Variants in HSPA4 observed in about 807,000 individuals in gnomAD.
The protein encoded by HSPA4 is heat shock protein family A (Hsp70) member 4.
In HSPA4, 25 loss-of-function variants were observed where a neutral mutation model predicts 106.2. The ratio of observed to expected loss-of-function variants is 0.24; its 90% CI spans 0.17 to 0.33. HSPA4 has a LOEUF of 0.33. Among genes scored for constraint, HSPA4 ranks in the 10% least tolerant of loss-of-function variants. The pLI is 1.00. For synonymous variants in HSPA4, 332 were observed against 333.6 expected (o/e 1.00, Z 0.05); for missense variants, 841 against 996.0 (o/e 0.84, Z 2.10).
chr5:133,057,265 T>C (rs927443659), intron 1 of HSPA4, among the ~76,000 whole-genome samples: 1 of 152,224 alleles, frequency 6.6e-6, no homozygotes. Flanking sequence ...AGTCTAATTA[T>C]TGCGGTTTCT....
At chr5:133,068,158 C>T (rs1244922974) in intron 3 of HSPA4, among the ~76,000 whole-genome samples, 2 of 152,124 alleles carry the variant, frequency 1.3e-5, no homozygotes, top group East Asian at 3.8e-4. Context: ...TCCCAAAGTG[C>T]TGGGATTACA....
At chr5:133,070,225 A>T (rs1765363955) in intron 3 of HSPA4, 149 bp from the exon 4 acceptor site, 1 of 709,526 alleles carries the variant, frequency 1.4e-6, no homozygotes, top group Non-Finnish European at 2.3e-6. Context: ...TCAAGGTATT[A>T]CTTCGAAAAC....
At chr5:133,057,286 C>CATT (rs1196638013) in intron 1 of HSPA4, among the ~76,000 whole-genome samples, 1 of 151,166 alleles carries the variant, frequency 6.6e-6, no homozygotes, top group Non-Finnish European at 1.5e-5. Context: ...CTGAAAAGCT[C>CATT]ATTTTCTCCT....
At position 133,052,199 on chromosome 5, in the gene HSPA4, G is replaced by A; in HGVS notation, c.-52G>A. ...CTCGCTAGCCCCGCCGGGGGTCCGT[G>A]TCCTGTCTCGGTGGCCGGACCCGGG... On this transcript the variant is annotated 5_prime_UTR_variant, in exon 1 of 19. Coordinates refer to ENST00000304858, the MANE Select transcript of HSPA4 (RefSeq NM_002154.4). 1.6e-6 allele frequency: 2 copies of A among 1,287,282 alleles called. No individual in the cohort carries two copies. The highest frequency in any genetic ancestry group is 2.2e-6 in the Non-Finnish European group (2 of 918,822). The allele number at this position is 1,287,282 out of a possible 1,614,324, so 79.7% of individuals were successfully genotyped here.
Position 133,070,761 on chromosome 5 carries a change from G to A in HSPA4, c.429+265G>A, listed in dbSNP as rs112837106. 2.1e-3 allele frequency among the ~76,000 whole-genome samples: 320 copies of A among 152,194 alleles called. 2 individuals carry two copies. The highest frequency in any genetic ancestry group is 7.3e-3 in the African/African-American group (304 of 41,536). On this transcript the variant is annotated intron_variant, in intron 4 of 18. Transcript: ENST00000304858. ...TACTAAAAATACAAAAATTAGTTGG[G>A]CGTGGTGATGGGCACCTGTAATCCC...
chr5:133,053,909 CT>C (rs1765123759), intron 1 of HSPA4, among the ~76,000 whole-genome samples: 1 of 152,130 alleles, frequency 6.6e-6, no homozygotes, highest in South Asian at 2.1e-4. Context: ...ATCCTCCCGC[CT>C]CGGCCTCCCA....
At chr5:133,077,978 T>C (rs2126704733) in intron 7 of HSPA4, among the ~76,000 whole-genome samples, 2 of 152,304 alleles carry the variant, frequency 1.3e-5, no homozygotes, top group Middle Eastern at 6.8e-3. Context: ...AAGAGCTAAG[T>C]AGATACTTAT....
At chr5:133,053,806 C>T (rs1765121967) in intron 1 of HSPA4, among the ~76,000 whole-genome samples, 1 of 151,548 alleles carries the variant, frequency 6.6e-6, no homozygotes, top group Non-Finnish European at 1.5e-5. Context: ...ATTACAGGCG[C>T]GTGCTACCAT....
chr5:133,070,916 AT>A (rs1196260238), intron 4 of HSPA4, among the ~76,000 whole-genome samples: 1 of 150,014 alleles, frequency 6.7e-6, no homozygotes, highest in Non-Finnish European at 1.5e-5. Flanking sequence ...GAAAAAAAAA[AT>A]TTATGAAACT....
Position 133,089,572 on chromosome 5 carries a change from G to A in HSPA4, c.1255G>A (p.Val419Ile). 1 of 1,613,236 alleles carries A rather than the reference G, an allele frequency of 6.2e-7. No individual in the cohort carries two copies. Residue 419 changes from valine (V) to isoleucine (I), a missense_variant, in exon 11 of 19, where the codon GTC (valine) becomes ATC (isoleucine). Physicochemically the swap from Val to Ile is conservative, Grantham distance 29. Transcript: ENST00000304858. ...PAEEGSSDCE[V>I]FSKNHAAPFS... ...TTTTCCTCCATTCAGTGACTGTGAA[G>A]TCTTTTCCAAAAATCATGCTGCTCC...
At chr5:133,052,725 T>C in intron 1 of HSPA4, 1 of 203,136 alleles carries the variant, frequency 4.9e-6, no homozygotes, top group South Asian at 1.4e-4. Flanking sequence ...ACTGAGTCTT[T>C]TGAGTCCAAC....
At chr5:133,053,940 G>A (rs1165755286) in intron 1 of HSPA4, among the ~76,000 whole-genome samples, 1 of 151,346 alleles carries the variant, frequency 6.6e-6, no homozygotes, top group Non-Finnish European at 1.5e-5. Context: ...GATTACAGGC[G>A]TGAGTCACGG....
intron 1 of HSPA4, among the ~76,000 whole-genome samples, chr5:133,058,151 G>T (rs1765191025): frequency 6.6e-6 from 1 of 152,098 alleles, no homozygotes. Flanking sequence ...CAGCACTTTG[G>T]GAGGCCGAGG....
chr5:133,069,498 G>T (rs768421205), intron 3 of HSPA4, among the ~76,000 whole-genome samples: 1 of 152,036 alleles, frequency 6.6e-6, no homozygotes, highest in Non-Finnish European at 1.5e-5. Context: ...TGATTTGCCC[G>T]CCTCAGCCTC....
intron 1 of HSPA4, among the ~76,000 whole-genome samples, chr5:133,053,742 C>T (rs930728004): frequency 6.6e-6 from 1 of 151,870 alleles, no homozygotes; most frequent in African/African-American, 2.4e-5. Flanking sequence ...TCATTGCAAC[C>T]TCGGCCTCTG....
At chr5:133,070,321 G>A in intron 3 of HSPA4, 53 bp from the exon 4 acceptor site, 1 of 1,561,800 alleles carries the variant, frequency 6.4e-7, no homozygotes, top group Non-Finnish European at 8.7e-7. Flanking sequence ...TTAGGACTAG[G>A]ACATGAAGAA....
At chr5:133,083,047 A>G (rs1765533490) in intron 7 of HSPA4, among the ~76,000 whole-genome samples, 1 of 150,934 alleles carries the variant, frequency 6.6e-6, no homozygotes, top group African/African-American at 2.4e-5. Context: ...AGGCAGGAGA[A>G]TTGCTTGGAC....
chr5:133,071,958 C>T (rs920379661), intron 4 of HSPA4, among the ~76,000 whole-genome samples: 2 of 152,178 alleles, frequency 1.3e-5, no homozygotes, highest in Non-Finnish European at 2.9e-5. Flanking sequence ...TCAGCTCTTC[C>T]ATTGGTCTCC....
intron 16 of HSPA4, among the ~76,000 whole-genome samples, chr5:133,101,374 A>G (rs1765783442): frequency 6.6e-6 from 1 of 152,120 alleles, no homozygotes; most frequent in South Asian, 2.1e-4. Context: ...ATTTAACATT[A>G]TTTGTTAAAT....
Sources: gnomAD v4.1 joint callset for allele counts (sites outside exome capture counted in the v4.1 genomes callset) on GRCh38, gnomAD v4.1.1 for gene constraint, MANE v1.5 for transcripts, NCBI Gene and HGNC (gene_info 2026-07-23, HGNC 2026-07-21) for gene names.